The following ITGA4 variants were observed in gnomAD, a reference collection of about 807,000 sequenced individuals.
ITGA4 encodes integrin alpha-4.
ITGA4 carries 63 observed loss-of-function variants against 133.6 expected under a neutral mutation model. The ratio of observed to expected loss-of-function variants is 0.47; its 90% CI spans 0.38 to 0.58. ITGA4 has a LOEUF of 0.58. Ranked by LOEUF, ITGA4 falls within the 20% of genes least tolerant of loss-of-function variation. ITGA4 has a pLI of 0.00. For missense variants in ITGA4, 1,076 were observed against 1,252.7 expected, an observed-to-expected ratio of 0.86 and a Z score of 2.13; for synonymous variants, 483 against 438.0, an observed-to-expected ratio of 1.10 and a Z score of -1.28.
intron 2 of ITGA4, among the ~76,000 whole-genome samples, chr2:181,469,150 C>G (rs977706214): frequency 6.6e-6 from 1 of 152,128 alleles, no homozygotes; most frequent in African/African-American, 2.4e-5. Flanking sequence ...TTCTAATAAT[C>G]GTCATTTTTG....
chr2:181,478,723 T>A, intron 4 of ITGA4, 34 bp from the exon 5 acceptor site: 1 of 951,580 alleles, frequency 1.1e-6, no homozygotes, highest in Non-Finnish European at 1.6e-6. Context: ...ATCTTTAAGA[T>A]AAAATTCTGA....
Position 181,498,544 on chromosome 2 carries a change from TTTAACTA to T in ITGA4, c.1541-75_1541-69del, listed in dbSNP as rs1388261616. On this transcript the variant is annotated intron_variant, in intron 14 of 27. Transcript: ENST00000397033. The stretch of plus-strand genomic sequence containing the variant: ...TATTATTTCCAGTAGTCCATATAAC[TTTAACTA>T]TTATCACTTCAAAAATAACAATAGA... The T allele has an allele frequency of 6.3e-5, 54 of 862,558 alleles. No individual in the cohort carries two copies. In the African/African-American group the frequency reaches 8.1e-4, roughly 13 times the overall value. The allele number at this position is 862,558 out of a possible 1,614,324, so 53.4% of individuals were successfully genotyped here.
At position 181,531,690 on chromosome 2, in the gene ITGA4, T is replaced by A; in HGVS notation, c.2698T>A (p.Phe900Ile). Reference protein sequence around the residue: ...CIKADPHCLNFLCNFGKMESG... With the variant: ...CIKADPHCLNILCNFGKMESG... ...AAAAGCTGATCCACATTGTTTAAATTTCTTGTGTAATTTTGGGAAAATGGA... is the reference window on the plus strand; with the variant it reads ...AAAAGCTGATCCACATTGTTTAAATATCTTGTGTAATTTTGGGAAAATGGA... Residue 900 changes from phenylalanine to isoleucine, a missense_variant, in exon 25 of 28, where the codon TTC (phenylalanine) becomes ATC (isoleucine). Phe to Ile is a conservative substitution (Grantham distance 21, BLOSUM62 0). Coordinates refer to ENST00000397033, the MANE Select transcript of ITGA4 (RefSeq NM_000885.6). 6.2e-7 allele frequency: 1 copy of A among 1,603,606 alleles called. No individual in the cohort carries two copies. Among genetic ancestry groups the A allele is most frequent in the Non-Finnish European group, 8.5e-7 (1 of 1,172,368 alleles).
Position 181,534,208 on chromosome 2 carries a change from A to G in ITGA4, c.2785-64A>G, listed in dbSNP as rs564660158. 6.2e-5 allele frequency: 62 copies of G among 1,002,404 alleles called. No individual in the cohort carries two copies. In the South Asian group the frequency reaches 8.4e-4, roughly 14 times the overall value. The allele number at this position is 1,002,404 out of a possible 1,614,324, so 62.1% of individuals were successfully genotyped here. ...GAAAACCTCTAGCTAGAAGGTAAAGATCCTGATAAATTATGTCTTTATGAA... is the reference window on the plus strand; with the variant it reads ...GAAAACCTCTAGCTAGAAGGTAAAGGTCCTGATAAATTATGTCTTTATGAA... On this transcript the variant is annotated intron_variant, in intron 25 of 27. Coordinates refer to ENST00000397033, the MANE Select transcript of ITGA4 (RefSeq NM_000885.6).
rs570993000 is a variant in ITGA4 at position 181,464,485 on chromosome 2, A to G, written c.319+6168A>G. 2.6e-5 allele frequency among the ~76,000 whole-genome samples: 4 copies of G among 152,126 alleles called. No homozygotes were observed. The South Asian group carries it at 6.2e-4, about 24-fold the overall frequency. On this transcript the variant is annotated intron_variant, in intron 2 of 27. Coordinates refer to ENST00000397033, the MANE Select transcript of ITGA4 (RefSeq NM_000885.6). ...GTTGAGATGATGGGAGAGACAGGTA[A>G]ATGGACAATTAATTATGAGATAATG...
chr2:181,499,913 T>A (rs1686234630), intron 15 of ITGA4, among the ~76,000 whole-genome samples: 1 of 152,156 alleles, frequency 6.6e-6, no homozygotes, highest in African/African-American at 2.4e-5. Flanking sequence ...GTAAAAGTGA[T>A]CTGGTTTATT....
At chr2:181,531,120 GAA>G (rs35219574) in intron 24 of ITGA4, among the ~76,000 whole-genome samples, 1 of 146,388 alleles carries the variant, frequency 6.8e-6, no homozygotes, top group African/African-American at 2.5e-5. Context: ...ATCTCAAAAA[GAA>G]AAAAAAAAAT....
intron 15 of ITGA4, among the ~76,000 whole-genome samples, chr2:181,502,211 C>T (rs1686289009): frequency 6.6e-6 from 1 of 151,952 alleles, no homozygotes; most frequent in Admixed American, 6.6e-5. Context: ...GTGGTGACAA[C>T]AGCATTTCAG....
In ITGA4 at chr2:181,536,394, A is replaced by G. The variant is rs1379881317; in HGVS notation, c.*867A>G. Among the ~76,000 whole-genome samples the G allele has an allele frequency of 6.6e-6, 1 of 152,064 alleles. No individual in the cohort carries two copies. Among genetic ancestry groups the G allele is most frequent in the Admixed American group, 6.6e-5 (1 of 15,232 alleles). Reference sequence around the variant, plus strand: ...GTTGCACTTTACCTGATACACGCTGATTTAGAAAATACAGAAACCATACCT... The same window carrying G: ...GTTGCACTTTACCTGATACACGCTGGTTTAGAAAATACAGAAACCATACCT... On this transcript the variant is annotated 3_prime_UTR_variant, in exon 28 of 28. Coordinates refer to ENST00000397033, the MANE Select transcript of ITGA4 (RefSeq NM_000885.6).
At chr2:181,520,393 A>G (rs1201305269) in intron 17 of ITGA4, among the ~76,000 whole-genome samples, 4 of 151,864 alleles carry the variant, frequency 2.6e-5, no homozygotes, top group East Asian at 1.9e-4. Flanking sequence ...GCAGGGGCCA[A>G]CTCTGGAGGG....
At chr2:181,466,271 T>C (rs1048135097) in intron 2 of ITGA4, among the ~76,000 whole-genome samples, 40 of 152,098 alleles carry the variant, frequency 2.6e-4, no homozygotes, top group Non-Finnish European at 8.8e-5. Context: ...CCTCTTGAAC[T>C]CTTTCTAAAT....
chr2:181,464,433 G>A (rs779255946), intron 2 of ITGA4, among the ~76,000 whole-genome samples: 1 of 152,062 alleles, frequency 6.6e-6, no homozygotes, highest in Non-Finnish European at 1.5e-5. Flanking sequence ...GTTGAATAAG[G>A]CATGGTTAAA....
At chr2:181,499,696 C>T (rs950483718) in intron 15 of ITGA4, among the ~76,000 whole-genome samples, 1 of 152,120 alleles carries the variant, frequency 6.6e-6, no homozygotes, top group Non-Finnish European at 1.5e-5. Context: ...CTAGAATAAA[C>T]CTATTAGATG....
chr2:181,495,394 T>A lies in ITGA4; in HGVS notation c.1363T>A (p.Ser455Thr). Reference sequence around the variant, plus strand: ...AGATGTAGCAGTTGGTGCTTTTCGGTCTGATTCTGCTGTCTTGCTAAGGTA... The same window carrying A: ...AGATGTAGCAGTTGGTGCTTTTCGGACTGATTCTGCTGTCTTGCTAAGGTA... ...YVDVAVGAFRSDSAVLLRTRP... is the reference protein window; with the variant it reads ...YVDVAVGAFRTDSAVLLRTRP... The change falls in exon 13 of 28, where the codon TCT (serine) becomes ACT (threonine). Residue 455 changes from serine (S) to threonine (T), a missense_variant. Around this residue, in one of 4 missense-constraint regions of ITGA4, gnomAD observed 436 missense variants for 590.7 expected, o/e 0.74. Transcript: ENST00000397033. The surrounding 1 kb of genome is among the most constrained non-coding windows in gnomAD (Gnocchi z 4.3). 6.2e-7 allele frequency: 1 copy of A among 1,611,378 alleles called. No homozygotes were observed. Among genetic ancestry groups the A allele is most frequent in the Non-Finnish European group, 8.5e-7 (1 of 1,177,616 alleles).
chr2:181,508,078 T>C (rs1006207905), intron 15 of ITGA4, among the ~76,000 whole-genome samples: 6 of 152,236 alleles, frequency 3.9e-5, no homozygotes, highest in African/African-American at 1.4e-4. Flanking sequence ...TGTAAGTTGA[T>C]AGAAAATATT....
rs1415393256 is a variant in ITGA4 at position 181,523,736 on chromosome 2, G to A, written c.2169+204G>A. Among the ~76,000 whole-genome samples, 1 of 152,080 alleles carries A rather than the reference G, an allele frequency of 6.6e-6. No individual in the cohort carries two copies. The highest frequency in any genetic ancestry group is 1.5e-5 in the Non-Finnish European group (1 of 68,014). On this transcript the variant is annotated intron_variant, in intron 19 of 27. Transcript: ENST00000397033. The surrounding 1 kb of genome is among the most constrained non-coding windows in gnomAD (Gnocchi z 4.2). ...TTTGCTGTTTTAAAGGGGGTGGCAT[G>A]TTTACATCGAAATGGGCATGTGCAT...
chr2:181,470,245 TAAAATC>T (rs988068289), intron 2 of ITGA4, among the ~76,000 whole-genome samples: 1 of 151,576 alleles, frequency 6.6e-6, no homozygotes, highest in African/African-American at 2.4e-5. Context: ...CCAAAGAAAA[TAAAATC>T]AATATGTCAA....
chr2:181,494,838 A>T, intron 12 of ITGA4, 26 bp downstream of exon 12: 1 of 1,143,570 alleles, frequency 8.7e-7, no homozygotes, highest in Non-Finnish European at 1.3e-6. Flanking sequence ...ATCATAATTT[A>T]TAAATTGGAA....
intron 17 of ITGA4, among the ~76,000 whole-genome samples, chr2:181,517,864 T>G (rs1242839421): frequency 6.6e-6 from 1 of 152,096 alleles, no homozygotes; most frequent in East Asian, 1.9e-4. Flanking sequence ...TTCTGTTGCT[T>G]GTCTAAGTGC....
Sources: allele counts gnomAD v4.1 joint callset (sites outside exome capture counted in the v4.1 genomes callset), GRCh38; gene constraint gnomAD v4.1.1; regional missense constraint gnomAD v4.1.1; non-coding constraint Gnocchi (gnomAD v3.1); transcripts MANE v1.5; gene names NCBI Gene and HGNC (gene_info 2026-07-23, HGNC 2026-07-21).